EEA1: variants seen among roughly 807,000 people sequenced by gnomAD.
The protein encoded by EEA1 is early endosome antigen 1.
A neutral mutation model predicts 209.2 loss-of-function variants in EEA1; 111 were observed. The observed-to-expected ratio is 0.53, with a 90% CI of 0.45 to 0.62. The LOEUF (loss-of-function observed/expected upper bound fraction) is 0.62, where lower values mean the gene tolerates loss of function less well. EEA1 is among the 20% of genes least tolerant of loss of function. The pLI is 0.00. For synonymous variants in EEA1, 536 were observed against 540.6 expected, an observed-to-expected ratio of 0.99 and a Z score of 0.12; for missense variants, 1,343 against 1,530.8, an observed-to-expected ratio of 0.88 and a Z score of 2.05.
At chr12:92,918,840 G>C (rs1316401770) in intron 1 of EEA1, among the ~76,000 whole-genome samples, 1 of 133,968 alleles carries the variant, frequency 7.5e-6, no homozygotes, top group African/African-American at 2.9e-5. Flanking sequence ...AAAATTGATA[G>C]ACCGCTAGCA....
intron 24 of EEA1, 96 bp downstream of exon 24, chr12:92,780,184 A>G (rs996560989): frequency 1.1e-4 from 148 of 1,347,528 alleles, no homozygotes; most frequent in Non-Finnish European, 1.4e-4. Context: ...AGCACATAGC[A>G]AGTTCTCAAT....
intron 20 of EEA1, among the ~76,000 whole-genome samples, chr12:92,799,351 A>AT (rs940897406): frequency 1.3e-5 from 2 of 151,986 alleles, no homozygotes; most frequent in Non-Finnish European, 2.9e-5. Context: ...AATCTTTATT[A>AT]TTTTTTTTAA....
At chr12:92,872,072 G>A (rs543392632) in intron 2 of EEA1, among the ~76,000 whole-genome samples, 2 of 137,020 alleles carry the variant, frequency 1.5e-5, no homozygotes, top group Admixed American at 8.2e-5. Flanking sequence ...TTTTTGAGAC[G>A]GAGTCTCACT....
intron 10 of EEA1, among the ~76,000 whole-genome samples, chr12:92,839,960 C>A (rs1877094905): frequency 6.6e-6 from 1 of 152,150 alleles, no homozygotes; most frequent in Non-Finnish European, 1.5e-5. Flanking sequence ...GATTTCACCT[C>A]AGGGTCTCTC....
At position 92,809,170 on chromosome 12, in the gene EEA1, AT is replaced by A. The variant is rs1875360807; in HGVS notation, c.2200-15del. ...AGCTTCTAGTTTCTATGAAAGAAAT[AT>A]GATATGGCAGCCATTTTAATATTAG... On this transcript the variant is annotated splice_polypyrimidine_tract_variant and intron_variant, in intron 17 of 28. Coordinates refer to ENST00000322349, the MANE Select transcript of EEA1 (RefSeq NM_003566.4). The A allele has an allele frequency of 6.5e-7, 1 of 1,538,624 alleles. No homozygotes were observed. The highest frequency in any genetic ancestry group is 1.3e-5 in the South Asian group (1 of 76,404).
chr12:92,776,819 T>C, intron 28 of EEA1, 25 bp downstream of exon 28: 1 of 1,587,546 alleles, frequency 6.3e-7, no homozygotes, highest in African/African-American at 1.3e-5. Context: ...TCCAGAAACA[T>C]AGTTACATGA....
At chr12:92,779,025 T>G (rs1337204230) in intron 25 of EEA1, 90 bp downstream of exon 25, 34 of 1,141,354 alleles carry the variant, frequency 3.0e-5, no homozygotes, top group Non-Finnish European at 3.9e-5. Flanking sequence ...GGAAAGCATT[T>G]CAATCAGATC....
chr12:92,877,180 T>C (rs1205866891), intron 2 of EEA1, among the ~76,000 whole-genome samples: 1 of 150,720 alleles, frequency 6.6e-6, no homozygotes, highest in Non-Finnish European at 1.5e-5. Context: ...GGTTTCTCCA[T>C]GTTGGCCAGG....
chr12:92,815,496 GTTATATTA>G lies in EEA1; in HGVS notation c.1929+696_1929+703del, dbSNP rs370464734. Among the ~76,000 whole-genome samples the G allele has an allele frequency of 5.9e-3, 900 of 152,280 alleles. 11 individuals carry two copies. Among genetic ancestry groups the G allele is most frequent in the African/African-American group, 0.02 (851 of 41,556 alleles). On this transcript the variant is annotated intron_variant, in intron 15 of 28. Transcript: ENST00000322349. ...TCTCCAAGTTCTAGTAAGTATGCCA[GTTATATTA>G]TTATATTCCGTCTTTCCAGTGGAAT...
At chr12:92,777,899 A>C (rs961155421) in intron 26 of EEA1, 42 bp downstream of exon 26, 1 of 1,546,146 alleles carries the variant, frequency 6.5e-7, no homozygotes, top group African/African-American at 1.4e-5. Flanking sequence ...TCTTTTTATC[A>C]CTTACAATGG....
intron 1 of EEA1, among the ~76,000 whole-genome samples, chr12:92,925,462 G>A (rs979070222): frequency 1.3e-5 from 2 of 152,138 alleles, no homozygotes; most frequent in Non-Finnish European, 2.9e-5. Context: ...TGATCTGCAC[G>A]CCTCGGCTTC....
intron 11 of EEA1, among the ~76,000 whole-genome samples, chr12:92,828,992 A>G (rs1876469360): frequency 6.6e-6 from 1 of 152,236 alleles, no homozygotes; most frequent in African/African-American, 2.4e-5. Context: ...ATTTCCCATA[A>G]TATACAGAAT....
chr12:92,859,205 G>C (rs1266391853), intron 3 of EEA1: 47 of 1,613,000 alleles, frequency 2.9e-5, no homozygotes, highest in Non-Finnish European at 3.9e-5. Flanking sequence ...ATTTATCAGA[G>C]GACTGCAGCC....
At position 92,799,049 on chromosome 12, in the gene EEA1, T is replaced by C; in HGVS notation, c.2810A>G (p.Gln937Arg). ...HQLKLELNSMQEQLIQAQNTL... is the reference protein window; with the variant it reads ...HQLKLELNSMREQLIQAQNTL... ...ATTCTGGGCCTGTATAAGTTGTTCC[T>C]GCATTGAATTGAGTTCCAATTTCAA... The change falls in exon 21 of 29, where the codon CAG (glutamine) becomes CGG (arginine). Residue 937 changes from glutamine to arginine, a missense_variant. Physicochemically the swap from Gln to Arg is conservative, Grantham distance 43. This residue lies in a region of EEA1 where 1,307 missense variants were observed against 1,465.5 expected (regional missense o/e 0.89). Transcript: ENST00000322349. 6.2e-7 allele frequency: 1 copy of C among 1,602,354 alleles called. No individual in the cohort carries two copies.
Position 92,802,398 on chromosome 12 carries a change from A to C in EEA1, c.2670+6T>G. On this transcript the variant is annotated splice_donor_region_variant and intron_variant, in intron 19 of 28. Coordinates refer to ENST00000322349, the MANE Select transcript of EEA1 (RefSeq NM_003566.4). ...CTACCTAAGAAAGTAAATGTAAACT[A>C]CTAACCAAGTCTAATATAGCGGCTT... is the stretch of plus-strand genomic sequence containing the variant. 6.4e-7 allele frequency: 1 copy of C among 1,558,940 alleles called. No homozygotes were observed. The highest frequency in any genetic ancestry group is 8.6e-7 in the Non-Finnish European group (1 of 1,163,860).
At chr12:92,882,700 C>T (rs1415499088) in intron 2 of EEA1, among the ~76,000 whole-genome samples, 1 of 152,094 alleles carries the variant, frequency 6.6e-6, no homozygotes, top group Non-Finnish European at 1.5e-5. Context: ...TGTTAATTTG[C>T]TTGGGATAAT....
chr12:92,853,423 C>T (rs1318971675), intron 6 of EEA1, among the ~76,000 whole-genome samples: 3 of 152,094 alleles, frequency 2.0e-5, no homozygotes, highest in Non-Finnish European at 2.9e-5. Context: ...AAGCCATCCT[C>T]CCCTATCAGT....
rs1881332648 is a variant in EEA1 at position 92,929,163 on chromosome 12, G to A, written c.-97C>T. On this transcript the variant is annotated 5_prime_UTR_variant, in exon 1 of 29. Transcript: ENST00000322349. ...GCGCGGGCGGGAGGGACTGGGCCGG[G>A]AGGGGACCGGGAAGGAGGTCGGGGC... The A allele has an allele frequency of 1.5e-6, 2 of 1,299,760 alleles. No individual in the cohort carries two copies. The highest frequency in any genetic ancestry group is 1.5e-5 in the African/African-American group (1 of 64,898). The allele number at this position is 1,299,760 out of a possible 1,614,324, so 80.5% of individuals were successfully genotyped here.
rs748246730 is a variant in EEA1, at chr12:92,773,431, T to C, written c.*2580A>G. ...AACAAAATGTTATTTATACACTGCA[T>C]TGAGGTTTTTGTGTTTGTTTCCCTC... On this transcript the variant is annotated 3_prime_UTR_variant, in exon 29 of 29. Transcript: ENST00000322349. The C allele has an allele frequency of 1.3e-5, 2 of 152,222 alleles. No individual in the cohort carries two copies. Among genetic ancestry groups the C allele is most frequent in the Non-Finnish European group, 3.0e-5 (2 of 67,718 alleles). 9.4% of individuals were successfully genotyped at this position (152,222 alleles called of 1,614,324 possible). A position where few individuals can be genotyped will look rare whatever the true frequency, so the allele number is the denominator to read the frequency against.
Sources: allele counts gnomAD v4.1 joint callset (sites outside exome capture counted in the v4.1 genomes callset), GRCh38; gene constraint gnomAD v4.1.1; regional missense constraint gnomAD v4.1.1; transcripts MANE v1.5; gene names NCBI Gene and HGNC (gene_info 2026-07-23, HGNC 2026-07-21).